The following CNGB1 variants were observed in gnomAD, a reference collection of about 807,000 sequenced individuals.
The protein encoded by CNGB1 is cyclic nucleotide gated channel subunit beta 1.
Under a neutral mutation model 151.7 loss-of-function variants are expected in CNGB1, and 126 were observed. That is an observed-to-expected ratio of 0.83 (90% CI 0.72 to 0.96). The LOEUF is 0.96. CNGB1 is among the 40% of genes least tolerant of loss of function. CNGB1 has a pLI of 0.00. For missense variants in CNGB1, 1,698 were observed against 1,627.0 expected (o/e 1.04, Z -0.75); for synonymous variants, 623 against 635.1 (o/e 0.98, Z 0.29).
intron 20 of CNGB1, among the ~76,000 whole-genome samples, chr16:57,917,902 T>C (rs190062109): frequency 9.2e-5 from 14 of 152,122 alleles, no homozygotes; most frequent in African/African-American, 2.6e-4. Flanking sequence ...TATAAGATAA[T>C]AGGCAGCCAA....
chr16:57,947,666 A>G (rs1341672445), intron 14 of CNGB1, among the ~76,000 whole-genome samples: 3 of 152,206 alleles, frequency 2.0e-5, no homozygotes, highest in African/African-American at 7.2e-5. Flanking sequence ...GAAAGAGTCT[A>G]TGTGAACTGA....
Position 57,931,746 on chromosome 16 carries a change from A to G in CNGB1, c.1505T>C (p.Ile502Thr). The G allele has an allele frequency of 6.2e-7, 1 of 1,614,188 alleles. No individual in the cohort carries two copies. Among genetic ancestry groups the G allele is most frequent in the Non-Finnish European group, 8.5e-7 (1 of 1,180,046 alleles). Residue 502 changes from isoleucine to threonine, a missense_variant, in exon 17 of 33, where the codon ATA (isoleucine) becomes ACA (threonine). Ile to Thr is a moderately conservative substitution (Grantham distance 89). Coordinates refer to ENST00000251102, the MANE Select transcript of CNGB1 (RefSeq NM_001297.5). ...PPSPAKSDTLIVPSSASGTHR... is the reference protein window; with the variant it reads ...PPSPAKSDTLTVPSSASGTHR... Reference sequence around the variant, plus strand: ...TGTCCCCGAGGCTGAGCTTGGGACTATAAGGGTGTCTGATTTGGCAGGAGA... The same window carrying G: ...TGTCCCCGAGGCTGAGCTTGGGACTGTAAGGGTGTCTGATTTGGCAGGAGA...
At chr16:57,904,566 C>A (rs899660359) in intron 26 of CNGB1, among the ~76,000 whole-genome samples, 168 bp downstream of exon 26, 12 of 152,180 alleles carry the variant, frequency 7.9e-5, no homozygotes, top group Non-Finnish European at 1.3e-4. Flanking sequence ...TTCACCACCA[C>A]CCCCTTCACC....
At chr16:57,919,932 C>A (rs560350566) in intron 19 of CNGB1, among the ~76,000 whole-genome samples, 2 of 152,314 alleles carry the variant, frequency 1.3e-5, no homozygotes, top group East Asian at 3.9e-4. Context: ...GACAAGAGAT[C>A]ATGTGTCTTA....
intron 31 of CNGB1, among the ~76,000 whole-genome samples, chr16:57,888,625 A>G (rs149019966): frequency 6.6e-6 from 1 of 152,164 alleles, no homozygotes; most frequent in East Asian, 1.9e-4. Context: ...ACAATTTTTT[A>G]TCTTTTTGTA....
chr16:57,918,621 T>G (rs1039096501), intron 20 of CNGB1, among the ~76,000 whole-genome samples: 1 of 152,206 alleles, frequency 6.6e-6, no homozygotes, highest in Non-Finnish European at 1.5e-5. Flanking sequence ...ACTAGTTGCA[T>G]CTTTACCCTG....
chr16:57,895,802 G>A (rs1004881513), intron 31 of CNGB1, among the ~76,000 whole-genome samples: 3 of 152,130 alleles, frequency 2.0e-5, no homozygotes, highest in African/African-American at 7.2e-5. Flanking sequence ...TGCTCCTTGA[G>A]TAAGCAAGGA....
intron 31 of CNGB1, among the ~76,000 whole-genome samples, chr16:57,890,747 C>T (rs183399775): frequency 6.6e-6 from 1 of 152,350 alleles, no homozygotes; most frequent in East Asian, 1.9e-4. Flanking sequence ...GAATCCCACA[C>T]GTGGCCCTCA....
chr16:57,951,411 G>A (rs1961946297), intron 12 of CNGB1, among the ~76,000 whole-genome samples: 1 of 152,156 alleles, frequency 6.6e-6, no homozygotes, highest in Admixed American at 6.5e-5. Flanking sequence ...GAGCGCATTA[G>A]TGCAATTATG....
chr16:57,939,526 C>A lies in CNGB1; in HGVS notation c.1276G>T (p.Glu426Ter). 1 of 1,614,030 alleles carries A rather than the reference C, an allele frequency of 6.2e-7. No homozygotes were observed. Residue 426 changes from glutamate to a stop codon, truncating the protein, a stop_gained, in exon 16 of 33, where the codon GAG becomes TAG. Coordinates refer to ENST00000251102, the MANE Select transcript of CNGB1 (RefSeq NM_001297.5). LOFTEE classifies it high-confidence loss of function. Reference protein sequence around the residue: ...EAEEKAKEEAEEVAEEEAEKE... With the variant: ...EAEEKAKEEA Reference sequence around the variant, plus strand: ...TCAGCCTCCTCTTCAGCCACCTCCTCGGCCTCCTCCTTGGCCTTCTCTTCA... The same window carrying A: ...TCAGCCTCCTCTTCAGCCACCTCCTAGGCCTCCTCCTTGGCCTTCTCTTCA...
intron 19 of CNGB1, among the ~76,000 whole-genome samples, chr16:57,919,847 C>G (rs1004776219): frequency 1.3e-5 from 2 of 152,152 alleles, no homozygotes; most frequent in Admixed American, 6.5e-5. Flanking sequence ...GGACATCAGG[C>G]TCTGCATGGC....
rs942504675 is a variant in CNGB1 at position 57,923,134 on chromosome 16, G to A, written c.1643+139C>T. 6.9e-5 allele frequency: 42 copies of A among 605,198 alleles called. 2 individuals are homozygous for A. The highest frequency in any genetic ancestry group is 4.8e-4 in the South Asian group (26 of 53,658). The allele number at this position is 605,198 out of a possible 1,614,324, so 37.5% of individuals were successfully genotyped here. On this transcript the variant is annotated intron_variant, in intron 18 of 32. Coordinates refer to ENST00000251102, the MANE Select transcript of CNGB1 (RefSeq NM_001297.5). ...CCAGAAGCAGCCTGGGCAGGCGACC[G>A]ATCCCGACTTACTGCTCGGAAGCCA... is the stretch of plus-strand genomic sequence containing the variant.
chr16:57,915,457 C>T (rs1960839956), intron 22 of CNGB1, 122 bp from the exon 23 acceptor site: 1 of 790,848 alleles, frequency 1.3e-6, no homozygotes, highest in Admixed American at 2.1e-5. Flanking sequence ...CCCAGTAGAG[C>T]TTAAAACTAG....
chr16:57,953,663 G>C (rs570664308), intron 12 of CNGB1, among the ~76,000 whole-genome samples: 2 of 151,992 alleles, frequency 1.3e-5, no homozygotes, highest in South Asian at 4.2e-4. Context: ...CATCCTTTCT[G>C]GCAGGCCTGG....
chr16:57,968,050 T>G (rs1962444491), intron 1 of CNGB1, among the ~76,000 whole-genome samples: 1 of 152,186 alleles, frequency 6.6e-6, no homozygotes, highest in Non-Finnish European at 1.5e-5. Context: ...AGAAGCAGTC[T>G]AATTGAGCTA....
chr16:57,883,574 TG>T lies in CNGB1; in HGVS notation c.*589del. On this transcript the variant is annotated 3_prime_UTR_variant, in exon 33 of 33. Coordinates refer to ENST00000251102, the MANE Select transcript of CNGB1 (RefSeq NM_001297.5). ...GGTGCACACCATCACGCCTGGCTAT[TG>T]TTTTTTTGTTTGTTTTTGTTTTTGT... 6.0e-6 allele frequency: 1 copy of T among 166,676 alleles called. No individual in the cohort carries two copies. The highest frequency in any genetic ancestry group is 1.3e-5 in the Non-Finnish European group (1 of 77,844). The allele number at this position is 166,676 out of a possible 1,614,324, so 10.3% of individuals were successfully genotyped here. A position where few individuals can be genotyped will look rare whatever the true frequency, so the allele number is the denominator to read the frequency against.
intron 4 of CNGB1, chr16:57,963,871 A>T: frequency 1.8e-6 from 1 of 558,316 alleles, no homozygotes; most frequent in Non-Finnish European, 3.2e-6. Context: ...GGAATGAATG[A>T]ATAGGGTGAA....
chr16:57,957,474 T>C (rs1741028967), intron 11 of CNGB1, 97 bp from the exon 12 acceptor site: 1 of 1,008,720 alleles, frequency 9.9e-7, no homozygotes, highest in African/African-American at 1.5e-5. Flanking sequence ...TTGACCCACC[T>C]CTCCGGGCCT....
intron 17 of CNGB1, among the ~76,000 whole-genome samples, chr16:57,931,159 T>G (rs1263381741): frequency 6.7e-6 from 1 of 148,436 alleles, no homozygotes; most frequent in African/African-American, 2.5e-5. Context: ...TTTAAAAAGT[T>G]TTTTTTTTTT....
Sources: gnomAD v4.1 joint callset for allele counts (sites outside exome capture counted in the v4.1 genomes callset) on GRCh38, gnomAD v4.1.1 for gene constraint, MANE v1.5 for transcripts, NCBI Gene and HGNC (gene_info 2026-07-23, HGNC 2026-07-21) for gene names.